Variants in SLC27A6 observed in about 807,000 individuals in gnomAD.
The protein encoded by SLC27A6 is long-chain fatty acid transport protein 6.
In SLC27A6, 74 loss-of-function variants were observed where a neutral mutation model predicts 63.9. The ratio of observed to expected loss-of-function variants is 1.16; its 90% CI spans 0.96 to 1.40. The LOEUF (loss-of-function observed/expected upper bound fraction) is 1.40. Ranked by LOEUF, SLC27A6 falls within the 40% of genes most tolerant of loss-of-function variation. The pLI, the probability that SLC27A6 is intolerant of heterozygous loss-of-function variation, is 0.00. For missense variants in SLC27A6, 794 were observed against 732.9 expected (o/e 1.08, Z -0.96); for synonymous variants, 287 against 260.8 (o/e 1.10, Z -0.97).
At chr5:128,971,381 G>C (rs1341158695) in intron 1 of SLC27A6, among the ~76,000 whole-genome samples, 2 of 152,046 alleles carry the variant, frequency 1.3e-5, no homozygotes, top group African/African-American at 2.4e-5. Context: ...TATTATTATT[G>C]TTTGGGGGTC....
chr5:129,029,035 A>G (rs1752336023), intron 8 of SLC27A6, among the ~76,000 whole-genome samples: 1 of 151,954 alleles, frequency 6.6e-6, no homozygotes, highest in African/African-American at 2.4e-5. Context: ...AGAGCAGAAG[A>G]AGGGAATGAT....
chr5:128,986,993 A>C (rs746765253), intron 2 of SLC27A6, among the ~76,000 whole-genome samples: 1 of 152,190 alleles, frequency 6.6e-6, no homozygotes, highest in African/African-American at 2.4e-5. Flanking sequence ...TTTGTTTAAG[A>C]AGGAACTATA....
At chr5:128,975,068 G>T (rs927954725) in intron 1 of SLC27A6, among the ~76,000 whole-genome samples, 1 of 152,090 alleles carries the variant, frequency 6.6e-6, no homozygotes. Flanking sequence ...TGTGTTAGAC[G>T]GGCCAGGCGT....
intron 2 of SLC27A6, among the ~76,000 whole-genome samples, chr5:128,986,051 C>T (rs751728785): frequency 3.9e-5 from 6 of 152,298 alleles, no homozygotes; most frequent in Middle Eastern, 3.4e-3. Context: ...TGACTACTCA[C>T]ACCTGTAATC....
intron 9 of SLC27A6, among the ~76,000 whole-genome samples, chr5:129,030,248 TA>T (rs1483773742): frequency 6.6e-6 from 1 of 152,040 alleles, no homozygotes; most frequent in Admixed American, 6.6e-5. Flanking sequence ...ATAAGTACAG[TA>T]AAAAGAAAAC....
rs4068575 is a variant in SLC27A6 at position 129,006,071 on chromosome 5, G to GTTTTTTTTTTTTTTTTT, written c.970-9805_970-9789dup. 5.5e-3 allele frequency among the ~76,000 whole-genome samples: 330 copies of GTTTTTTTTTTTTTTTTT among 60,106 alleles called. 73 individuals carry two copies. Among genetic ancestry groups the GTTTTTTTTTTTTTTTTT allele is most frequent in the East Asian group, 0.043 (26 of 610 alleles). The allele number at this position is 60,106 out of a possible 152,430, so 39.4% of individuals were successfully genotyped here. The stretch of plus-strand genomic sequence containing the variant: ...TAAAATTTTCATTCCTGTGCACACT[G>GTTTTTTTTTTTTTTTTT]TTTTTTTTTTTTTTTTTTTTTTTTT... On this transcript the variant is annotated intron_variant, in intron 4 of 9. Transcript: ENST00000262462.
At chr5:129,020,699 AC>A (rs1752046384) in intron 5 of SLC27A6, among the ~76,000 whole-genome samples, 1 of 152,148 alleles carries the variant, frequency 6.6e-6, no homozygotes, top group Admixed American at 6.6e-5. Flanking sequence ...GGAAAGTTAG[AC>A]AACTTCAAAA....
intron 4 of SLC27A6, among the ~76,000 whole-genome samples, chr5:128,991,120 C>G (rs2150136965): frequency 6.6e-6 from 1 of 152,336 alleles, no homozygotes; most frequent in South Asian, 2.1e-4. Context: ...ATATCTGGAT[C>G]TTTGTCCCTC....
Position 129,016,008 on chromosome 5 carries a change from G to A in SLC27A6, c.1093G>A (p.Glu365Lys), listed in dbSNP as rs201193988. The A allele has an allele frequency of 5.6e-6, 9 of 1,608,452 alleles. No individual in the cohort carries two copies. The highest frequency in any genetic ancestry group is 1.3e-5 in the African/African-American group (1 of 74,530). ...GGTGTGTGAACTTTATGCAGCTACC[G>A]AATCAAGCATATCTTTCATGAACTA... is the stretch of plus-strand genomic sequence containing the variant. ...IKVCELYAAT[E>K]SSISFMNYTG... The change falls in exon 5 of 10, where the codon GAA becomes AAA. Residue 365 changes from glutamate (E) to lysine (K), a missense_variant. Glu to Lys is a moderately conservative substitution (Grantham distance 56). Transcript: ENST00000262462.
intron 4 of SLC27A6, among the ~76,000 whole-genome samples, chr5:129,002,613 G>A (rs1561623263): frequency 6.9e-6 from 1 of 143,966 alleles, no homozygotes; most frequent in Admixed American, 7.1e-5. Flanking sequence ...CACTTCTTAT[G>A]CACCAGGTCC....
chr5:128,969,329 C>T (rs1193842829), intron 1 of SLC27A6, among the ~76,000 whole-genome samples: 1 of 140,448 alleles, frequency 7.1e-6, no homozygotes, highest in East Asian at 1.9e-4. Context: ...ATGGGGATGG[C>T]ATTGAATCTA....
chr5:128,972,350 A>C (rs1284315447), intron 1 of SLC27A6, among the ~76,000 whole-genome samples: 1 of 152,162 alleles, frequency 6.6e-6, no homozygotes, highest in African/African-American at 2.4e-5. Context: ...AATATCCTGA[A>C]AAGTGTTTTC....
At chr5:129,032,016 C>G (rs1752432191) in intron 9 of SLC27A6, among the ~76,000 whole-genome samples, 1 of 151,872 alleles carries the variant, frequency 6.6e-6, no homozygotes, top group Admixed American at 6.6e-5. Flanking sequence ...GTTGTAGGGT[C>G]TCTACATGTC....
chr5:129,020,637 C>T (rs897357617), intron 5 of SLC27A6, among the ~76,000 whole-genome samples: 5 of 151,916 alleles, frequency 3.3e-5, no homozygotes, highest in African/African-American at 4.8e-5. Context: ...TTTCTTTAAC[C>T]ATTTTCATAA....
chr5:128,996,149 G>A (rs2150139481), intron 4 of SLC27A6, among the ~76,000 whole-genome samples: 1 of 152,226 alleles, frequency 6.6e-6, no homozygotes, highest in East Asian at 1.9e-4. Context: ...AACAAAGCAA[G>A]GACCTATAGT....
At chr5:129,020,647 A>G (rs372677500) in intron 5 of SLC27A6, among the ~76,000 whole-genome samples, 2 of 152,146 alleles carry the variant, frequency 1.3e-5, no homozygotes, top group East Asian at 1.9e-4. Context: ...CATTTTCATA[A>G]GCTGTTTTAT....
At chr5:129,012,131 G>T (rs982962891) in intron 4 of SLC27A6, among the ~76,000 whole-genome samples, 1 of 151,214 alleles carries the variant, frequency 6.6e-6, no homozygotes, top group Non-Finnish European at 1.5e-5. Flanking sequence ...TGCTTTTGCT[G>T]CATAGCATAA....
At chr5:129,031,324 C>T (rs1237213564) in intron 9 of SLC27A6, among the ~76,000 whole-genome samples, 1 of 151,878 alleles carries the variant, frequency 6.6e-6, no homozygotes, top group African/African-American at 2.4e-5. Flanking sequence ...TTACTTCTGA[C>T]AAAATGAGTC....
At chr5:129,006,312 G>A (rs567683412) in intron 4 of SLC27A6, among the ~76,000 whole-genome samples, 260 of 151,728 alleles carry the variant, frequency 1.7e-3, no homozygotes, top group African/African-American at 5.8e-3. Context: ...GGATGGTCTC[G>A]ATCTCCTGAC....
Sources: allele counts gnomAD v4.1 joint callset (sites outside exome capture counted in the v4.1 genomes callset), GRCh38; gene constraint gnomAD v4.1.1; transcripts MANE v1.5; gene names NCBI Gene and HGNC (gene_info 2026-07-23, HGNC 2026-07-21).